The following CDC42SE2 variants were observed in gnomAD, a reference collection of about 807,000 sequenced individuals.
The protein encoded by CDC42SE2 is CDC42 small effector protein 2.
Under a neutral mutation model 11.5 loss-of-function variants are expected in CDC42SE2, and 3 were observed. The ratio of observed to expected loss-of-function variants is 0.26; its 90% confidence interval spans 0.12 to 0.67. The LOEUF (loss-of-function observed/expected upper bound fraction) is 0.67. Among genes scored for constraint, CDC42SE2 ranks in the 30% least tolerant of loss-of-function variants. The pLI is 0.80. For missense variants in CDC42SE2, 82 were observed against 106.8 expected, an observed-to-expected ratio of 0.77 and a Z score of 1.02; for synonymous variants, 33 against 34.8, an observed-to-expected ratio of 0.95 and a Z score of 0.18.
intron 3 of CDC42SE2, among the ~76,000 whole-genome samples, chr5:131,377,717 C>G (rs1344865054): frequency 1.3e-5 from 2 of 152,152 alleles, no homozygotes; most frequent in Non-Finnish European, 2.9e-5. Flanking sequence ...AATATAAAAA[C>G]TAAAACAGTG....
At chr5:131,215,884 ACTGT>A in the CDC42SE2 span, among the ~76,000 whole-genome samples, 4 of 152,342 alleles carry the variant, frequency 2.6e-5, no homozygotes, top group East Asian at 7.7e-4. Context: ...GATGCTTTAA[ACTGT>A]CTTTTAAAAA....
At position 131,339,231 on chromosome 5, in the gene CDC42SE2, A is replaced by T. The variant is rs375352776; in HGVS notation, c.-285-19978A>T. Among the ~76,000 whole-genome samples, 50 of 115,696 alleles carry T rather than the reference A, an allele frequency of 4.3e-4. 1 individual carries two copies. The East Asian group carries it at 0.015, about 34-fold the overall frequency. 75.9% of individuals were successfully genotyped at this position (115,696 alleles called of 152,430 possible). A position where few individuals can be genotyped will look rare whatever the true frequency, so the allele number is the denominator to read the frequency against. ...CCACTGCACTCCAGCGTGGTGACAG[A>T]GTGAGACTCTGTCTGAAAAAAAAAA... On this transcript the variant is annotated intron_variant, in intron 2 of 4. Transcript: ENST00000505065.
chr5:131,310,725 G>C (rs2149723984), intron 1 of CDC42SE2, among the ~76,000 whole-genome samples: 1 of 152,190 alleles, frequency 6.6e-6, no homozygotes, highest in Non-Finnish European at 1.5e-5. Flanking sequence ...TTTGATTTTT[G>C]ATGGTTTAAA....
chr5:131,302,271 C>T (rs954768066), intron 1 of CDC42SE2, among the ~76,000 whole-genome samples: 1 of 152,164 alleles, frequency 6.6e-6, no homozygotes, highest in African/African-American at 2.4e-5. Flanking sequence ...CCTCCGCCTC[C>T]CGGGTTCAAG....
rs199658042 is a variant in CDC42SE2, at chr5:131,355,699, A to AT, written c.-285-3508dup. Among the ~76,000 whole-genome samples, 626 of 141,568 alleles carry AT rather than the reference A, an allele frequency of 4.4e-3. 4 individuals carry two copies. The highest frequency in any genetic ancestry group is 0.014 in the African/African-American group (542 of 39,542). 92.9% of individuals were successfully genotyped at this position (141,568 alleles called of 152,430 possible). On this transcript the variant is annotated intron_variant, in intron 2 of 4. Coordinates refer to ENST00000505065, the MANE Select transcript of CDC42SE2 (RefSeq NM_001375635.1). ...CCTGAACTGAGTTAAGATATTTTAG[A>AT]TTAAAAAAAAAAACCTAGTTACCTG...
chr5:131,280,056 G>C (rs1293610792), intron 1 of CDC42SE2, among the ~76,000 whole-genome samples: 2 of 152,202 alleles, frequency 1.3e-5, no homozygotes, highest in African/African-American at 4.8e-5. Context: ...GACAGAGCAA[G>C]ACCCTGTCTC....
chr5:131,351,223 T>G (rs892873262), intron 2 of CDC42SE2, among the ~76,000 whole-genome samples: 3 of 152,034 alleles, frequency 2.0e-5, no homozygotes, highest in Non-Finnish European at 4.4e-5. Flanking sequence ...GTGCTGAGAT[T>G]ATAGGCGTGA....
intron 3 of CDC42SE2, among the ~76,000 whole-genome samples, chr5:131,360,208 C>T (rs886195078): frequency 3.3e-5 from 5 of 152,136 alleles, no homozygotes; most frequent in Non-Finnish European, 7.4e-5. Flanking sequence ...GCAACTTCCG[C>T]CTCCTGGGTT....
At chr5:131,313,272 G>C (rs536191046) in intron 1 of CDC42SE2, among the ~76,000 whole-genome samples, 115 of 152,174 alleles carry the variant, frequency 7.6e-4, no homozygotes, top group South Asian at 6.4e-3. Flanking sequence ...ATGAGCCACC[G>C]CGCCTGGCCC....
chr5:131,350,025 GATTA>G (rs1204278596), intron 2 of CDC42SE2, among the ~76,000 whole-genome samples: 1 of 152,000 alleles, frequency 6.6e-6, no homozygotes, highest in Non-Finnish European at 1.5e-5. Flanking sequence ...AGAATATCCT[GATTA>G]ATGTCAACAT....
Position 131,292,575 on chromosome 5 carries a change from AC to A in CDC42SE2, c.-454-23400del, listed in dbSNP as rs1466466734. Among the ~76,000 whole-genome samples, 888 of 134,672 alleles carry A rather than the reference AC, an allele frequency of 6.6e-3. 12 individuals carry two copies. The highest frequency in any genetic ancestry group is 0.023 in the African/African-American group (803 of 34,738). The allele number at this position is 134,672 out of a possible 152,430, so 88.4% of individuals were successfully genotyped here. A position where few individuals can be genotyped will look rare whatever the true frequency, so the allele number is the denominator to read the frequency against. On this transcript the variant is annotated intron_variant, in intron 1 of 4. Transcript: ENST00000505065. ...ACTCCATCTCAAAAAAAAAAAAAAA[AC>A]AAAAAACAAAAAACTTGGTAATTTA...
chr5:131,345,793 C>T (rs1248054409), intron 2 of CDC42SE2, among the ~76,000 whole-genome samples: 1 of 152,178 alleles, frequency 6.6e-6, no homozygotes, highest in Non-Finnish European at 1.5e-5. Context: ...AGACTAACAG[C>T]AGATCTCTTG....
At chr5:131,300,941 C>T (rs892772912) in intron 1 of CDC42SE2, among the ~76,000 whole-genome samples, 1 of 152,052 alleles carries the variant, frequency 6.6e-6, no homozygotes, top group Non-Finnish European at 1.5e-5. Flanking sequence ...AATAAGTAAA[C>T]ACTTTATACA....
rs1750656493 is a variant in CDC42SE2, at chr5:131,391,656, A to T, written c.*565A>T. The stretch of plus-strand genomic sequence containing the variant: ...CACTGCGCTCCAGCCTGGGTGACAG[A>T]GCAAGACCCTGTCTCAAAAAAGTAC... On this transcript the variant is annotated 3_prime_UTR_variant, in exon 5 of 5. Transcript: ENST00000505065. 6.6e-6 allele frequency: 1 copy of T among 152,296 alleles called. No homozygotes were observed. The highest frequency in any genetic ancestry group is 2.4e-5 in the African/African-American group (1 of 41,468). 9.4% of individuals were successfully genotyped at this position (152,296 alleles called of 1,614,324 possible).
At chr5:131,303,557 T>A (rs774359187) in intron 1 of CDC42SE2, among the ~76,000 whole-genome samples, 1 of 152,208 alleles carries the variant, frequency 6.6e-6, no homozygotes, top group Non-Finnish European at 1.5e-5. Flanking sequence ...TTTTAACTTA[T>A]AAGAAGATCT....
At position 131,379,526 on chromosome 5, in the gene CDC42SE2, G is replaced by A. The variant is rs190999980; in HGVS notation, c.55-6017G>A. On this transcript the variant is annotated intron_variant, in intron 3 of 4. Coordinates refer to ENST00000505065, the MANE Select transcript of CDC42SE2 (RefSeq NM_001375635.1). Reference sequence around the variant, plus strand: ...TAAGGATGCAAATAAGGTTCTCACAGTAGCAAATCCTTTGAAATTAACCTG... The same window carrying A: ...TAAGGATGCAAATAAGGTTCTCACAATAGCAAATCCTTTGAAATTAACCTG... Among the ~76,000 whole-genome samples, 293 of 152,304 alleles carry A rather than the reference G, an allele frequency of 1.9e-3. 1 individual carries two copies. The highest frequency in any genetic ancestry group is 3.3e-3 in the Non-Finnish European group (227 of 68,036).
Position 131,392,085 on chromosome 5 carries a change from T to TAATC in CDC42SE2, c.*996_*999dup, listed in dbSNP as rs879171434. The TAATC allele has an allele frequency of 6.5e-6, 1 of 152,676 alleles. No homozygotes were observed. Among genetic ancestry groups the TAATC allele is most frequent in the Admixed American group, 6.5e-5 (1 of 15,282 alleles). The allele number at this position is 152,676 out of a possible 1,614,324, so 9.5% of individuals were successfully genotyped here. ...GGATTGTCACTGAATTTTCAATGTT[T>TAATC]AATCAGTATGGATCTGATCTTCGCA... On this transcript the variant is annotated 3_prime_UTR_variant, in exon 5 of 5. Coordinates refer to ENST00000505065, the MANE Select transcript of CDC42SE2 (RefSeq NM_001375635.1).
At position 131,319,241 on chromosome 5, in the gene CDC42SE2, C is replaced by T. The variant is rs1335364723; in HGVS notation, c.-286+3097C>T. Among the ~76,000 whole-genome samples, 3 of 152,104 alleles carry T rather than the reference C, an allele frequency of 2.0e-5. No homozygotes were observed. The South Asian group carries it at 6.2e-4, about 32-fold the overall frequency. On this transcript the variant is annotated intron_variant, in intron 2 of 4. Coordinates refer to ENST00000505065, the MANE Select transcript of CDC42SE2 (RefSeq NM_001375635.1). ...TTTTCCCCCCACCCTCAGTGCCTCACTTCATTCTGGTTTTCCAAGCCTGTA... is the reference window on the plus strand; with the variant it reads ...TTTTCCCCCCACCCTCAGTGCCTCATTTCATTCTGGTTTTCCAAGCCTGTA...
At chr5:131,286,895 A>G (rs564190693) in intron 1 of CDC42SE2, among the ~76,000 whole-genome samples, 1 of 152,016 alleles carries the variant, frequency 6.6e-6, no homozygotes, top group African/African-American at 2.4e-5. Flanking sequence ...TTGGGAGTCA[A>G]AAGTTACTTG....
Sources: gnomAD v4.1 joint callset for allele counts (sites outside exome capture counted in the v4.1 genomes callset) on GRCh38, gnomAD v4.1.1 for gene constraint, MANE v1.5 for transcripts, NCBI Gene and HGNC (gene_info 2026-07-23, HGNC 2026-07-21) for gene names.